Variants in SYK observed in about 807,000 individuals in gnomAD.
The protein encoded by SYK is spleen associated tyrosine kinase.
In SYK, 16 loss-of-function variants were observed where a neutral mutation model predicts 77.8. That is an observed-to-expected ratio of 0.21 (90% CI 0.14 to 0.31). The LOEUF (loss-of-function observed/expected upper bound fraction) is 0.31, where lower values mean the gene tolerates loss of function less well. SYK is among the 10% of genes least tolerant of loss of function. The pLI is 1.00. For synonymous variants in SYK, 312 were observed against 308.7 expected (o/e 1.01, Z -0.11); for missense variants, 529 against 814.4 (o/e 0.65, Z 4.26).
intron 3 of SYK, among the ~76,000 whole-genome samples, chr9:90,847,309 G>C (rs1053400086): frequency 9.2e-5 from 14 of 152,244 alleles, no homozygotes; most frequent in African/African-American, 3.4e-4. Context: ...GCTGGTGTCA[G>C]AGCTAACCAG....
intron 12 of SYK, 53 bp downstream of exon 12, chr9:90,887,942 C>A: frequency 6.7e-7 from 1 of 1,485,878 alleles, no homozygotes. Flanking sequence ...AACAGATAAG[C>A]ACCAGATTGT....
At chr9:90,841,322 G>C (rs1826314480) in intron 1 of SYK, among the ~76,000 whole-genome samples, 2 of 134,380 alleles carry the variant, frequency 1.5e-5, no homozygotes, top group South Asian at 4.9e-4. Context: ...GCTGCACGTA[G>C]TGTGTTGTGT....
At chr9:90,885,089 A>G (rs1828512097) in intron 11 of SYK, among the ~76,000 whole-genome samples, 1 of 151,606 alleles carries the variant, frequency 6.6e-6, no homozygotes, top group African/African-American at 2.4e-5. Flanking sequence ...ACATGGGCAG[A>G]TATCAATGTA....
intron 11 of SYK, among the ~76,000 whole-genome samples, chr9:90,880,764 G>T (rs759483757): frequency 1.1e-4 from 17 of 152,242 alleles, no homozygotes; most frequent in Non-Finnish European, 2.2e-4. Context: ...CAGTGCGTCT[G>T]CTCACACAGG....
intron 4 of SYK, among the ~76,000 whole-genome samples, 157 bp downstream of exon 4, chr9:90,862,501 C>G (rs12342520): frequency 1.3e-5 from 2 of 152,186 alleles, no homozygotes; most frequent in African/African-American, 4.8e-5. Context: ...GAAACACACA[C>G]CTGGACCACA....
chr9:90,888,650 G>C, intron 13 of SYK, 23 bp downstream of exon 13: 2 of 1,492,390 alleles, frequency 1.3e-6, no homozygotes, highest in Non-Finnish European at 1.8e-6. Context: ...CACTGACTGT[G>C]ATGTATTCAG....
chr9:90,878,999 T>C, intron 11 of SYK, 46 bp downstream of exon 11: 1 of 1,419,088 alleles, frequency 7.0e-7, no homozygotes, highest in Non-Finnish European at 9.7e-7. Flanking sequence ...TGGTAAAAAA[T>C]GCAAGATAAA....
At chr9:90,866,707 G>A (rs1046520099) in intron 6 of SYK, among the ~76,000 whole-genome samples, 1 of 152,112 alleles carries the variant, frequency 6.6e-6, no homozygotes, top group Non-Finnish European at 1.5e-5. Flanking sequence ...AAAGGCATAC[G>A]CCCTATGTGT....
intron 3 of SYK, among the ~76,000 whole-genome samples, chr9:90,847,991 C>T (rs1350431093): frequency 3.3e-5 from 5 of 152,236 alleles, no homozygotes; most frequent in South Asian, 2.1e-4. Context: ...TCATCTCCTA[C>T]AGAACCTGGC....
At chr9:90,876,956 G>A (rs139596511) in intron 9 of SYK, among the ~76,000 whole-genome samples, 298 of 152,292 alleles carry the variant, frequency 2.0e-3, no homozygotes, top group African/African-American at 6.6e-3. Flanking sequence ...ACATGTCATC[G>A]TTGGTGAAGT....
chr9:90,865,776 C>T (rs965859878), intron 6 of SYK, among the ~76,000 whole-genome samples: 5 of 152,168 alleles, frequency 3.3e-5, no homozygotes, highest in South Asian at 4.2e-4. Context: ...TGTTAACACA[C>T]GTAATTCACA....
At chr9:90,827,438 T>TAG (rs1457620160) in intron 1 of SYK, 1 of 152,258 alleles carries the variant, frequency 6.6e-6, no homozygotes, top group Non-Finnish European at 1.5e-5. Context: ...GGCTTGTTGA[T>TAG]GCCTGTCTTG....
chr9:90,874,400 G>T (rs2118867754), intron 8 of SYK, 109 bp downstream of exon 8: 2 of 1,114,014 alleles, frequency 1.8e-6, no homozygotes, highest in East Asian at 4.9e-5. Flanking sequence ...TTGCAATACA[G>T]CCACAGTTAG....
intron 1 of SYK, among the ~76,000 whole-genome samples, chr9:90,808,615 T>A (rs1824942759): frequency 6.6e-6 from 1 of 152,062 alleles, no homozygotes; most frequent in African/African-American, 2.4e-5. Context: ...TGGCAGGAAC[T>A]CCCTGTTCTT....
chr9:90,826,018 T>A (rs1825655333), intron 1 of SYK, among the ~76,000 whole-genome samples: 1 of 152,164 alleles, frequency 6.6e-6, no homozygotes, highest in South Asian at 2.1e-4. Flanking sequence ...AATTTTCATA[T>A]CCTCCATGTT....
chr9:90,891,399 AG>A (rs1365407133), intron 13 of SYK, among the ~76,000 whole-genome samples: 2 of 151,938 alleles, frequency 1.3e-5, no homozygotes, highest in African/African-American at 4.8e-5. Context: ...CGCCCGCCTC[AG>A]CCTTGTTGCC....
At chr9:90,822,059 C>G (rs560570329) in intron 1 of SYK, among the ~76,000 whole-genome samples, 1 of 151,934 alleles carries the variant, frequency 6.6e-6, no homozygotes, top group Non-Finnish European at 1.5e-5. Flanking sequence ...AGGCACATAA[C>G]CCCTGAGAAG....
rs573833432 is a variant in SYK, at chr9:90,805,838, A to C, written c.-42+3945A>C. Reference sequence around the variant, plus strand: ...CCATCCTTTGGTACTGCTTTGAGTTATGTCCTCTAGAATTCTCACTATTTC... The same window carrying C: ...CCATCCTTTGGTACTGCTTTGAGTTCTGTCCTCTAGAATTCTCACTATTTC... On this transcript the variant is annotated intron_variant, in intron 1 of 13. Coordinates refer to ENST00000375754, the MANE Select transcript of SYK (RefSeq NM_003177.7). Among the ~76,000 whole-genome samples the C allele has an allele frequency of 1.2e-4, 18 of 152,214 alleles. No homozygotes were observed. The South Asian group carries it at 2.7e-3, about 23-fold the overall frequency.
intron 2 of SYK, among the ~76,000 whole-genome samples, chr9:90,844,840 C>G (rs1201676301): frequency 1.3e-5 from 2 of 152,240 alleles, no homozygotes; most frequent in African/African-American, 2.4e-5. Flanking sequence ...CAACATTGCT[C>G]TAGACCTATC....
Sources: gnomAD v4.1 joint callset for allele counts (sites outside exome capture counted in the v4.1 genomes callset) on GRCh38, gnomAD v4.1.1 for gene constraint, MANE v1.5 for transcripts, NCBI Gene and HGNC (gene_info 2026-07-23, HGNC 2026-07-21) for gene names.